The following RASGEF1A variants were observed in gnomAD, a reference collection of about 807,000 sequenced individuals.
The protein encoded by RASGEF1A is ras-GEF domain-containing family member 1A.
In RASGEF1A, 18 loss-of-function variants were observed where a neutral mutation model predicts 56.4. The ratio of observed to expected loss-of-function variants is 0.32; its 90% CI spans 0.22 to 0.47. The LOEUF (loss-of-function observed/expected upper bound fraction) is 0.47. Among genes scored for constraint, RASGEF1A ranks in the 20% least tolerant of loss-of-function variants. The pLI is 1.00. For missense variants in RASGEF1A, 422 were observed against 627.1 expected (o/e 0.67, Z 3.49); for synonymous variants, 245 against 242.6 (o/e 1.01, Z -0.09).
chr10:43,253,579 C>T (rs1840651105), intron 1 of RASGEF1A, among the ~76,000 whole-genome samples: 1 of 152,208 alleles, frequency 6.6e-6, no homozygotes, highest in Non-Finnish European at 1.5e-5. Context: ...GAGATGGTGG[C>T]GTCAGGGGAC....
intron 1 of RASGEF1A, among the ~76,000 whole-genome samples, chr10:43,252,353 G>A (rs1307122125): frequency 6.6e-6 from 1 of 152,210 alleles, no homozygotes; most frequent in Non-Finnish European, 1.5e-5. Flanking sequence ...CCAGGACTAG[G>A]TGGGCAGGGG....
intron 1 of RASGEF1A, among the ~76,000 whole-genome samples, chr10:43,217,365 C>T (rs1366942533): frequency 6.6e-6 from 1 of 152,228 alleles, no homozygotes; most frequent in African/African-American, 2.4e-5. Context: ...TCCCTCTTCC[C>T]ACGCCAGGGC....
At chr10:43,198,602 C>G (rs1839838871) in intron 9 of RASGEF1A, among the ~76,000 whole-genome samples, 1 of 152,252 alleles carries the variant, frequency 6.6e-6, no homozygotes, top group African/African-American at 2.4e-5. Flanking sequence ...CTGCCAGCCT[C>G]TGGGCCATCT....
chr10:43,240,570 G>A (rs1840488058), intron 1 of RASGEF1A, among the ~76,000 whole-genome samples: 1 of 152,070 alleles, frequency 6.6e-6, no homozygotes, highest in Non-Finnish European at 1.5e-5. Context: ...TGAAAACTAA[G>A]TAAATGAAAT....
intron 1 of RASGEF1A, among the ~76,000 whole-genome samples, chr10:43,260,578 G>A (rs530118093): frequency 1.3e-5 from 2 of 152,256 alleles, no homozygotes; most frequent in South Asian, 2.1e-4. Flanking sequence ...CAGACCCCAC[G>A]GAGAAGCTAG....
intron 10 of RASGEF1A, 131 bp downstream of exon 10, chr10:43,197,873 G>A (rs1240930581): frequency 1.3e-6 from 1 of 745,726 alleles, no homozygotes; most frequent in East Asian, 2.6e-5. Context: ...GAGGCTTTCA[G>A]TCTTGAAGGC....
chr10:43,209,262 C>A, intron 1 of RASGEF1A: 1 of 962,674 alleles, frequency 1.0e-6, no homozygotes, highest in Non-Finnish European at 1.2e-6. Flanking sequence ...TTCCCAGTCA[C>A]CCCCTATGCT....
intron 4 of RASGEF1A, 83 bp downstream of exon 4, chr10:43,201,725 G>A (rs1839901589): frequency 1.4e-6 from 2 of 1,379,878 alleles, no homozygotes; most frequent in East Asian, 2.4e-5. Flanking sequence ...CACATACAGA[G>A]TTGTCCCCGA....
chr10:43,229,920 AC>A (rs898688018), intron 1 of RASGEF1A, among the ~76,000 whole-genome samples: 1 of 151,658 alleles, frequency 6.6e-6, no homozygotes, highest in Non-Finnish European at 1.5e-5. Context: ...TGGGGCAGGG[AC>A]CCGGGGCGGC....
chr10:43,239,515 A>C (rs955031591), intron 1 of RASGEF1A, among the ~76,000 whole-genome samples: 2 of 152,236 alleles, frequency 1.3e-5, no homozygotes, highest in African/African-American at 4.8e-5. Context: ...CAGAAATCTT[A>C]GGAGGATTTA....
intron 1 of RASGEF1A, among the ~76,000 whole-genome samples, chr10:43,231,022 T>C (rs539315987): frequency 1.3e-4 from 20 of 152,344 alleles, no homozygotes; most frequent in Admixed American, 1.2e-3. Flanking sequence ...CGCTTCCCAC[T>C]GCTCAGAGCA....
At chr10:43,235,270 C>T (rs574893217) in intron 1 of RASGEF1A, among the ~76,000 whole-genome samples, 1 of 152,246 alleles carries the variant, frequency 6.6e-6, no homozygotes, top group Non-Finnish European at 1.5e-5. Flanking sequence ...CCGGCCACAG[C>T]GTCAGGCACA....
chr10:43,213,238 C>T (rs1840092194), intron 1 of RASGEF1A, among the ~76,000 whole-genome samples: 2 of 151,410 alleles, frequency 1.3e-5, no homozygotes, highest in African/African-American at 2.4e-5. Context: ...GAAATGTTTC[C>T]GACACATAGA....
intron 1 of RASGEF1A, among the ~76,000 whole-genome samples, chr10:43,254,599 AC>A (rs1258147146): frequency 6.6e-6 from 1 of 152,110 alleles, no homozygotes; most frequent in Non-Finnish European, 1.5e-5. Context: ...GCGCAGTGAC[AC>A]CCGGCCTCTG....
chr10:43,253,119 TC>T (rs1840646060), intron 1 of RASGEF1A, among the ~76,000 whole-genome samples: 1 of 151,862 alleles, frequency 6.6e-6, no homozygotes, highest in Non-Finnish European at 1.5e-5. Context: ...CCCACACACT[TC>T]CACGCCCACC....
At chr10:43,259,103 CACA>C (rs1206005117) in intron 1 of RASGEF1A, among the ~76,000 whole-genome samples, 1 of 152,210 alleles carries the variant, frequency 6.6e-6, no homozygotes. Flanking sequence ...CTCATGCCAG[CACA>C]ACACTTGGTC....
chr10:43,244,253 G>A (rs1840545353), intron 1 of RASGEF1A, among the ~76,000 whole-genome samples: 1 of 138,512 alleles, frequency 7.2e-6, no homozygotes. Context: ...CAGGGCCGAA[G>A]GCCGCAGGGA....
At chr10:43,200,129 A>C in intron 6 of RASGEF1A, 53 bp downstream of exon 6, 3 of 1,443,988 alleles carry the variant, frequency 2.1e-6, no homozygotes, top group Non-Finnish European at 2.9e-6. Context: ...CATGGAGCGC[A>C]AGTGCTGGGC....
At chr10:43,242,730 G>A (rs1417198206) in intron 1 of RASGEF1A, among the ~76,000 whole-genome samples, 3 of 152,128 alleles carry the variant, frequency 2.0e-5, no homozygotes, top group African/African-American at 4.8e-5. Flanking sequence ...ACAGGGTTTC[G>A]CTGTGTTGAC....
Sources: gnomAD v4.1 joint callset for allele counts (sites outside exome capture counted in the v4.1 genomes callset) on GRCh38, gnomAD v4.1.1 for gene constraint, MANE v1.5 for transcripts, NCBI Gene and HGNC (gene_info 2026-07-23, HGNC 2026-07-21) for gene names.